PPARG: variants seen among roughly 807,000 people sequenced by gnomAD.
PPARG encodes peroxisome proliferator activated receptor gamma.
In PPARG, 17 loss-of-function variants were observed where a neutral mutation model predicts 39.2. The observed-to-expected ratio is 0.43, with a 90% CI of 0.30 to 0.65. PPARG has a LOEUF of 0.65. PPARG is among the 30% of genes least tolerant of loss of function. PPARG has a pLI of 0.13. For missense variants in PPARG, 406 were observed against 585.9 expected (o/e 0.69, Z 3.17); for synonymous variants, 223 against 215.7 (o/e 1.03, Z -0.30).
chr3:12,316,720 CTT>C (rs1021427084), intron 2 of PPARG, among the ~76,000 whole-genome samples: 1 of 148,892 alleles, frequency 6.7e-6, no homozygotes, highest in African/African-American at 2.5e-5. Context: ...CCTTAGGAAC[CTT>C]TTTTTTTTTA....
At chr3:12,354,774 AAAG>A (rs1452149459) in intron 2 of PPARG, among the ~76,000 whole-genome samples, 14 of 151,696 alleles carry the variant, frequency 9.2e-5, no homozygotes, top group Admixed American at 2.0e-4. Flanking sequence ...AAAAAAAAGA[AAAG>A]AAACCTACAT....
chr3:12,318,353 A>C (rs959234731), intron 2 of PPARG, among the ~76,000 whole-genome samples: 40 of 152,330 alleles, frequency 2.6e-4, no homozygotes, highest in Admixed American at 2.5e-3. Flanking sequence ...ACCACCTTTA[A>C]GTCTAAGTTG....
chr3:12,347,509 T>C (rs2125084770), intron 2 of PPARG, among the ~76,000 whole-genome samples: 1 of 152,104 alleles, frequency 6.6e-6, no homozygotes, highest in African/African-American at 2.4e-5. Context: ...TCATGTTGTC[T>C]CTCCCCTGGG....
chr3:12,303,384 A>G (rs1400668232), intron 1 of PPARG, among the ~76,000 whole-genome samples: 5 of 152,130 alleles, frequency 3.3e-5, no homozygotes, highest in African/African-American at 1.2e-4. Flanking sequence ...TATTTTTAGT[A>G]GAGATGGGGT....
At chr3:12,376,181 T>C (rs1333724649) in intron 2 of PPARG, among the ~76,000 whole-genome samples, 1 of 152,106 alleles carries the variant, frequency 6.6e-6, no homozygotes, top group African/African-American at 2.4e-5. Context: ...ACTCCTGACC[T>C]CAGGTGATCC....
intron 5 of PPARG, among the ~76,000 whole-genome samples, chr3:12,399,665 GAGGGA>G (rs1289867432): frequency 4.9e-3 from 54 of 11,050 alleles, no homozygotes; most frequent in South Asian, 0.026. Flanking sequence ...GGGAGGGAGG[GAGGGA>G]AAAAAGGAAA....
At chr3:12,370,019 G>C (rs1161794609) in intron 2 of PPARG, among the ~76,000 whole-genome samples, 5 of 152,072 alleles carry the variant, frequency 3.3e-5, no homozygotes, top group Non-Finnish European at 7.4e-5. Context: ...CTGTCTTTCA[G>C]ATCCTTTGTT....
intron 6 of PPARG, among the ~76,000 whole-genome samples, chr3:12,415,410 T>A (rs1376912079): frequency 6.6e-6 from 1 of 152,224 alleles, no homozygotes; most frequent in Non-Finnish European, 1.5e-5. Context: ...GGTATACAAG[T>A]ATTTGAACAG....
In PPARG at chr3:12,398,070, T is replaced by G. The variant is rs151145376; in HGVS notation, c.529+5318T>G. On this transcript the variant is annotated intron_variant, in intron 5 of 7. Transcript: ENST00000651735. Reference sequence around the variant, plus strand: ...TGCCTTCCTTCCCATGAGACTTTTCTGATTCCCTGCTCTTCCTTTTCTATG... The same window carrying G: ...TGCCTTCCTTCCCATGAGACTTTTCGGATTCCCTGCTCTTCCTTTTCTATG... 2.2e-4 allele frequency among the ~76,000 whole-genome samples: 33 copies of G among 152,304 alleles called. No homozygotes were observed. The East Asian group carries it at 6.2e-3, about 29-fold the overall frequency.
At chr3:12,306,673 T>A (rs2047073289) in intron 1 of PPARG, among the ~76,000 whole-genome samples, 1 of 152,248 alleles carries the variant, frequency 6.6e-6, no homozygotes, top group African/African-American at 2.4e-5. Context: ...CTTTTAGTTG[T>A]GTTAATTCAC....
intron 2 of PPARG, among the ~76,000 whole-genome samples, chr3:12,356,680 G>C (rs541611290): frequency 2.0e-5 from 3 of 152,314 alleles, no homozygotes; most frequent in Non-Finnish European, 4.4e-5. Flanking sequence ...AGGCACCATA[G>C]TGAATGCTGT....
intron 6 of PPARG, among the ~76,000 whole-genome samples, chr3:12,411,448 G>A (rs1290012562): frequency 6.6e-6 from 1 of 152,108 alleles, no homozygotes; most frequent in Admixed American, 6.5e-5. Flanking sequence ...AGCACCTCTA[G>A]GAAACAGTGG....
chr3:12,391,454 G>A (rs1194718218), intron 4 of PPARG, among the ~76,000 whole-genome samples: 1 of 152,138 alleles, frequency 6.6e-6, no homozygotes, highest in Admixed American at 6.6e-5. Flanking sequence ...ACTTGAAGGC[G>A]ATGAAGGAAA....
chr3:12,287,781 C>G (rs2046538914), upstream of PPARG: 1 of 140,220 alleles, frequency 7.1e-6, no homozygotes, highest in South Asian at 2.2e-4. Flanking sequence ...CCCTCCCAGT[C>G]GCGCGCCGCC....
At chr3:12,310,820 A>C (rs1481528852) in intron 1 of PPARG, among the ~76,000 whole-genome samples, 3 of 149,140 alleles carry the variant, frequency 2.0e-5, no homozygotes, top group African/African-American at 4.9e-5. Context: ...AAAAAAAAAA[A>C]AAAACCCAAG....
chr3:12,301,380 C>T (rs1459354568), intron 1 of PPARG: 1 of 152,126 alleles, frequency 6.6e-6, no homozygotes, highest in Non-Finnish European at 1.5e-5. Flanking sequence ...TCTTAAACTT[C>T]GTTACATATT....
intron 5 of PPARG, among the ~76,000 whole-genome samples, chr3:12,405,649 C>T (rs2050632176): frequency 6.6e-6 from 1 of 152,196 alleles, no homozygotes; most frequent in South Asian, 2.1e-4. Flanking sequence ...ACTTTCTCAG[C>T]AGGAGTATGC....
At chr3:12,327,367 A>G (rs1283600190) in intron 2 of PPARG, among the ~76,000 whole-genome samples, 1 of 152,224 alleles carries the variant, frequency 6.6e-6, no homozygotes, top group Admixed American at 6.5e-5. Flanking sequence ...TTATATTTAG[A>G]TAATTTGAGC....
rs1242730680 is a variant in PPARG, at chr3:12,398,153, A to C, written c.529+5401A>C. Among the ~76,000 whole-genome samples, 6 of 151,442 alleles carry C rather than the reference A, an allele frequency of 4.0e-5. No homozygotes were observed. In the East Asian group the frequency reaches 1.2e-3, roughly 29 times the overall value. ...CCTTAAAAAGCAAGAGAGTGATCAGATACATATTACCAAAAAAAAAAAAAT... is the reference window on the plus strand; with the variant it reads ...CCTTAAAAAGCAAGAGAGTGATCAGCTACATATTACCAAAAAAAAAAAAAT... On this transcript the variant is annotated intron_variant, in intron 5 of 7. Transcript: ENST00000651735.
Sources: gnomAD v4.1 joint callset for allele counts (sites outside exome capture counted in the v4.1 genomes callset) on GRCh38, gnomAD v4.1.1 for gene constraint, MANE v1.5 for transcripts, NCBI Gene and HGNC (gene_info 2026-07-23, HGNC 2026-07-21) for gene names.